Variants in TMUB2 observed in about 807,000 individuals in gnomAD.
The protein encoded by TMUB2 is transmembrane and ubiquitin-like domain-containing protein 2.
Under a neutral mutation model 20.2 loss-of-function variants are expected in TMUB2, and 19 were observed. That is an observed-to-expected ratio of 0.94 (90% CI 0.66 to 1.38). TMUB2 has a LOEUF of 1.38. Among genes scored for constraint, TMUB2 ranks in the 40% most tolerant of loss-of-function variants. The pLI is 0.00. For synonymous variants in TMUB2, 186 were observed against 166.0 expected (o/e 1.12, Z -0.92); for missense variants, 426 against 402.5 (o/e 1.06, Z -0.50).
Position 44,191,428 on chromosome 17 carries a change from T to A in TMUB2, c.*564T>A, listed in dbSNP as rs2055561530. On this transcript the variant is annotated 3_prime_UTR_variant, in exon 4 of 4. Transcript: ENST00000538716. ...ACCCCTTAGCAGGAATAGGGTGTCCTCCCTTCTTTCAAAGCACTTTGCTTG... is the reference window on the plus strand; with the variant it reads ...ACCCCTTAGCAGGAATAGGGTGTCCACCCTTCTTTCAAAGCACTTTGCTTG... 1.0e-6 allele frequency: 1 copy of A among 986,032 alleles called. No individual in the cohort carries two copies. The highest frequency in any genetic ancestry group is 4.7e-5 in the South Asian group (1 of 21,302). 61.1% of individuals were successfully genotyped at this position (986,032 alleles called of 1,614,324 possible).
At chr17:44,189,624 C>T (rs769408029) in intron 3 of TMUB2, 36 bp downstream of exon 3, 2 of 1,519,184 alleles carry the variant, frequency 1.3e-6, no homozygotes, top group Non-Finnish European at 1.8e-6. Flanking sequence ...TGCTTGTGCT[C>T]ATCCCCCAGC....
chr17:44,187,617 G>C, intron 1 of TMUB2, 59 bp from the exon 2 acceptor site: 1 of 710,350 alleles, frequency 1.4e-6, no homozygotes, highest in East Asian at 2.7e-5. Context: ...TTACCATCAG[G>C]GGTTAGTTGT....
chr17:44,190,468 C>CT (rs746821331), intron 3 of TMUB2, 33 bp from the exon 4 acceptor site: 15 of 1,558,840 alleles, frequency 9.6e-6, no homozygotes, highest in South Asian at 1.2e-5. Flanking sequence ...TCCTCACCCT[C>CT]TATCTTTTCT....
At position 44,190,820 on chromosome 17, in the gene TMUB2, A is replaced by G; in HGVS notation, c.922A>G (p.Thr308Ala). 1 of 1,614,102 alleles carries G rather than the reference A, an allele frequency of 6.2e-7. No homozygotes were observed. Among genetic ancestry groups the G allele is most frequent in the Non-Finnish European group, 8.5e-7 (1 of 1,179,978 alleles). The change falls in exon 4 of 4, where the codon ACC becomes GCC. Residue 308 changes from threonine (T) to alanine (A), a missense_variant. Thr to Ala is a moderately conservative substitution (Grantham distance 58). Transcript: ENST00000538716. ...APATVSLVGV[T>A]VFFSFLVFGM... is the part of the protein sequence containing the mutation. ...TGCCACTGTCTCCCTGGTGGGAGTC[A>G]CCGTCTTCTTCAGCTTCCTAGTATT...
At chr17:44,189,633 G>A in intron 3 of TMUB2, 45 bp downstream of exon 3, 1 of 1,505,526 alleles carries the variant, frequency 6.6e-7, no homozygotes, top group Non-Finnish European at 8.8e-7. Flanking sequence ...TCATCCCCCA[G>A]CCCTTGGTTG....
chr17:44,188,025 G>A (rs529724513), intron 2 of TMUB2: 1 of 449,156 alleles, frequency 2.2e-6, no homozygotes, highest in East Asian at 3.9e-5. Flanking sequence ...TAAGTATAAT[G>A]AAGTTTTATA....
At position 44,191,619 on chromosome 17, in the gene TMUB2, C is replaced by A; in HGVS notation, c.*755C>A. On this transcript the variant is annotated 3_prime_UTR_variant, in exon 4 of 4. Coordinates refer to ENST00000538716, the MANE Select transcript of TMUB2 (RefSeq NM_001076674.3). ...CACTGGCCCTTGGCCAGCGTCCTAC[C>A]CTGCCCAACTCCAAGGACTGGGTAT... 1.0e-6 allele frequency: 1 copy of A among 985,864 alleles called. No homozygotes were observed. Among genetic ancestry groups the A allele is most frequent in the Non-Finnish European group, 1.2e-6 (1 of 829,950 alleles). The allele number at this position is 985,864 out of a possible 1,614,324, so 61.1% of individuals were successfully genotyped here. A position where few individuals can be genotyped will look rare whatever the true frequency, so the allele number is the denominator to read the frequency against.
chr17:44,191,804 C>G lies in TMUB2; in HGVS notation c.*940C>G, dbSNP rs1014444658. The G allele has an allele frequency of 1.1e-6, 1 of 918,494 alleles. No individual in the cohort carries two copies. The highest frequency in any genetic ancestry group is 1.3e-6 in the Non-Finnish European group (1 of 768,954). The allele number at this position is 918,494 out of a possible 1,614,324, so 56.9% of individuals were successfully genotyped here. On this transcript the variant is annotated 3_prime_UTR_variant, in exon 4 of 4. Coordinates refer to ENST00000538716, the MANE Select transcript of TMUB2 (RefSeq NM_001076674.3). ...GGTAATGAGAGTAGGTAGGCCGGGG[C>G]TACCAACGGGAGATGCAGTTTATTT...
Position 44,190,499 on chromosome 17 carries a change from A to C in TMUB2, c.603-2A>C, listed in dbSNP as rs1449069150. On this transcript the variant is annotated splice_acceptor_variant, in intron 3 of 3. Coordinates refer to ENST00000538716, the MANE Select transcript of TMUB2 (RefSeq NM_001076674.3). LOFTEE classifies it high-confidence loss of function. ...TTTCTTCCATGTCTTTCATCCTTAC[A>C]GCAAATACTTCCCTGGACAAGAAAG... is the stretch of plus-strand genomic sequence containing the variant. The C allele has an allele frequency of 1.8e-5, 28 of 1,592,592 alleles. No individual in the cohort carries two copies. The highest frequency in any genetic ancestry group is 2.1e-5 in the Non-Finnish European group (25 of 1,167,202).
intron 2 of TMUB2, 118 bp from the exon 3 acceptor site, chr17:44,188,904 C>T: frequency 7.0e-7 from 1 of 1,429,748 alleles, no homozygotes; most frequent in African/African-American, 1.4e-5. Context: ...CCCTTCTACA[C>T]AACACTGAAC....
At position 44,191,465 on chromosome 17, in the gene TMUB2, A is replaced by T. The variant is rs1567766788; in HGVS notation, c.*601A>T. 1 of 985,724 alleles carries T rather than the reference A, an allele frequency of 1.0e-6. No individual in the cohort carries two copies. The highest frequency in any genetic ancestry group is 4.7e-5 in the South Asian group (1 of 21,292). 61.1% of individuals were successfully genotyped at this position (985,724 alleles called of 1,614,324 possible). On this transcript the variant is annotated 3_prime_UTR_variant, in exon 4 of 4. Coordinates refer to ENST00000538716, the MANE Select transcript of TMUB2 (RefSeq NM_001076674.3). ...AAGCACTTTGCTTGCATTTTATTTT[A>T]TTTTTTTAAGAGTCCTTCATAGAGC...
intron 2 of TMUB2, chr17:44,188,087 G>A: frequency 3.9e-6 from 1 of 255,938 alleles, no homozygotes; most frequent in Non-Finnish European, 7.6e-6. Context: ...GATTTGCCCA[G>A]GGACAGCTGT....
Position 44,189,361 on chromosome 17 carries a change from A to G in TMUB2, c.375A>G (p.Gly125=), listed in dbSNP as rs1361642270. The G allele has an allele frequency of 1.9e-6, 3 of 1,606,454 alleles. No homozygotes were observed. Among genetic ancestry groups the G allele is most frequent in the Non-Finnish European group, 8.5e-7 (1 of 1,176,032 alleles). The change falls in exon 3 of 4, where the codon GGA becomes GGG. Residue 125 remains glycine, a synonymous_variant. Transcript: ENST00000538716. The part of the protein sequence containing the change: ...EGRGDSTGEA[G]AGGGVEPSLE... ...GGGGAGACTCCACTGGGGAGGCTGGAGCTGGGGGTGGTGTTGAGCCCAGCC... is the reference window on the plus strand; with the variant it reads ...GGGGAGACTCCACTGGGGAGGCTGGGGCTGGGGGTGGTGTTGAGCCCAGCC...
rs1372145092 is a variant in TMUB2 at position 44,191,715 on chromosome 17, C to T, written c.*851C>T. On this transcript the variant is annotated 3_prime_UTR_variant, in exon 4 of 4. Transcript: ENST00000538716. Reference sequence around the variant, plus strand: ...CAGTGTCTGTGACTGAATAAAGTTCCATTTTGTGGTCCTGCAGCCTCTTTC... The same window carrying T: ...CAGTGTCTGTGACTGAATAAAGTTCTATTTTGTGGTCCTGCAGCCTCTTTC... 5 of 985,582 alleles carry T rather than the reference C, an allele frequency of 5.1e-6. No individual in the cohort carries two copies. The highest frequency in any genetic ancestry group is 6.0e-6 in the Non-Finnish European group (5 of 829,976). 61.1% of individuals were successfully genotyped at this position (985,582 alleles called of 1,614,324 possible). A position where few individuals can be genotyped will look rare whatever the true frequency, so the allele number is the denominator to read the frequency against.
rs1245536938 is a variant in TMUB2 at position 44,191,373 on chromosome 17, G to C, written c.*509G>C. ...AAGATTGTGCCAGCCTTCTCTTATG[G>C]GCACCTAGCCGCCTTCACCTTCTTC... On this transcript the variant is annotated 3_prime_UTR_variant, in exon 4 of 4. Coordinates refer to ENST00000538716, the MANE Select transcript of TMUB2 (RefSeq NM_001076674.3). The C allele has an allele frequency of 5.1e-6, 5 of 987,712 alleles. No individual in the cohort carries two copies. The South Asian group carries it at 1.4e-4, about 28-fold the overall frequency. The allele number at this position is 987,712 out of a possible 1,614,324, so 61.2% of individuals were successfully genotyped here.
Position 44,189,359 on chromosome 17 carries a change from G to A in TMUB2, c.373G>A (p.Gly125Arg). ...EGRGDSTGEAGAGGGVEPSLE... is the reference protein window; with the variant it reads ...EGRGDSTGEARAGGGVEPSLE... The stretch of plus-strand genomic sequence containing the variant: ...TCGGGGAGACTCCACTGGGGAGGCT[G>A]GAGCTGGGGGTGGTGTTGAGCCCAG... Residue 125 changes from glycine to arginine, a missense_variant, in exon 3 of 4, where the codon GGA becomes AGA. Physicochemically the swap from Gly to Arg is moderately radical, Grantham distance 125. Transcript: ENST00000538716. 6.2e-7 allele frequency: 1 copy of A among 1,606,440 alleles called. No homozygotes were observed. The highest frequency in any genetic ancestry group is 1.1e-5 in the South Asian group (1 of 89,840).
At position 44,190,629 on chromosome 17, in the gene TMUB2, C is replaced by T; in HGVS notation, c.731C>T (p.Pro244Leu). 6.2e-7 allele frequency: 1 copy of T among 1,614,264 alleles called. No individual in the cohort carries two copies. Among genetic ancestry groups the T allele is most frequent in the Non-Finnish European group, 8.5e-7 (1 of 1,180,056 alleles). The change falls in exon 4 of 4, where the codon CCC (proline) becomes CTC (leucine). Residue 244 changes from proline to leucine, a missense_variant. Transcript: ENST00000538716. Reference protein sequence around the residue: ...DNCVIHCHRSPPGSAVPGPSA... With the variant: ...DNCVIHCHRSLPGSAVPGPSA... ...TGTGTGATTCACTGCCACCGCTCAC[C>T]CCCAGGGTCAGCTGTTCCAGGCCCC...
Position 44,188,894 on chromosome 17 carries a change from C to T in TMUB2, c.36-128C>T, listed in dbSNP as rs571845797. The T allele has an allele frequency of 2.8e-6, 4 of 1,407,420 alleles. No homozygotes were observed. In the South Asian group the frequency reaches 4.9e-5, roughly 17 times the overall value. 87.2% of individuals were successfully genotyped at this position (1,407,420 alleles called of 1,614,324 possible). ...TGCCGGAATTAGGAAGGTTTGTGCCCCCTTCTACACAACACTGAACTCCTT... is the reference window on the plus strand; with the variant it reads ...TGCCGGAATTAGGAAGGTTTGTGCCTCCTTCTACACAACACTGAACTCCTT... On this transcript the variant is annotated intron_variant, in intron 2 of 3. Coordinates refer to ENST00000538716, the MANE Select transcript of TMUB2 (RefSeq NM_001076674.3).
Position 44,190,799 on chromosome 17 carries a change from A to G in TMUB2, c.901A>G (p.Thr301Ala). The change falls in exon 4 of 4, where the codon ACT (threonine) becomes GCT (alanine). Residue 301 changes from threonine (T) to alanine (A), a missense_variant. Transcript: ENST00000538716. Reference protein sequence around the residue: ...NYRQFFTAPATVSLVGVTVFF... With the variant: ...NYRQFFTAPAAVSLVGVTVFF... ...CCGCCAATTCTTCACAGCACCTGCC[A>G]CTGTCTCCCTGGTGGGAGTCACCGT... is the stretch of plus-strand genomic sequence containing the variant. The G allele has an allele frequency of 1.2e-6, 2 of 1,614,156 alleles. No homozygotes were observed. The highest frequency in any genetic ancestry group is 1.7e-6 in the Non-Finnish European group (2 of 1,180,002).
Sources: gnomAD v4.1 joint callset for allele counts on GRCh38, gnomAD v4.1.1 for gene constraint, MANE v1.5 for transcripts, NCBI Gene and HGNC (gene_info 2026-07-23, HGNC 2026-07-21) for gene names.